TGFBRAP1: variants seen among roughly 807,000 people sequenced by gnomAD.
The protein encoded by TGFBRAP1 is transforming growth factor-beta receptor-associated protein 1.
In TGFBRAP1, 20 loss-of-function variants were observed where a neutral mutation model predicts 83.2. The ratio of observed to expected loss-of-function variants is 0.24; its 90% CI spans 0.17 to 0.35. The LOEUF (loss-of-function observed/expected upper bound fraction) is 0.35, where lower values mean the gene tolerates loss of function less well. Among genes scored for constraint, TGFBRAP1 ranks in the 10% least tolerant of loss-of-function variants. The probability of loss-of-function intolerance (pLI) is 1.00; values close to 1 mark genes in which losing one functional copy is unlikely to be tolerated. For missense variants in TGFBRAP1, 950 were observed against 1,099.4 expected (o/e 0.86, Z 1.92); for synonymous variants, 415 against 459.8 (o/e 0.90, Z 1.25).
chr2:105,306,054 GTTTTTTGTTTTTTGT>G (rs1472620138), intron 2 of TGFBRAP1, among the ~76,000 whole-genome samples: 1 of 111,070 alleles, frequency 9.0e-6, no homozygotes, highest in African/African-American at 3.7e-5. Context: ...CTGGTTTTTT[GTTTTTTGTTTTTTGT>G]TTTTTTTTTT....
Position 105,267,124 on chromosome 2 carries a change from A to C in TGFBRAP1, c.*259T>G. On this transcript the variant is annotated 3_prime_UTR_variant, in exon 12 of 12. Coordinates refer to ENST00000393359, the MANE Select transcript of TGFBRAP1 (RefSeq NM_004257.6). ...GTCTTGGATTACTATGTACCTGGACAGGTGAACTCTTGTATGTTTCTGTTT... is the reference window on the plus strand; with the variant it reads ...GTCTTGGATTACTATGTACCTGGACCGGTGAACTCTTGTATGTTTCTGTTT... 2.2e-6 allele frequency: 1 copy of C among 452,060 alleles called. No homozygotes were observed. The highest frequency in any genetic ancestry group is 3.9e-6 in the Non-Finnish European group (1 of 256,550). The allele number at this position is 452,060 out of a possible 1,614,324, so 28.0% of individuals were successfully genotyped here. A position where few individuals can be genotyped will look rare whatever the true frequency, so the allele number is the denominator to read the frequency against.
chr2:105,273,706 C>T lies in TGFBRAP1; in HGVS notation c.1666-16G>A. On this transcript the variant is annotated splice_polypyrimidine_tract_variant and intron_variant, in intron 8 of 11. Transcript: ENST00000393359. Reference sequence around the variant, plus strand: ...GAACTCCGACCTGAAAGAGGAGCGACAATACAGTGACTGTGCTTCCCAAAC... The same window carrying T: ...GAACTCCGACCTGAAAGAGGAGCGATAATACAGTGACTGTGCTTCCCAAAC... The T allele has an allele frequency of 1.9e-6, 3 of 1,613,152 alleles. No homozygotes were observed. Among genetic ancestry groups the T allele is most frequent in the Non-Finnish European group, 2.5e-6 (3 of 1,179,540 alleles).
At chr2:105,251,792 G>T in the TGFBRAP1 span, among the ~76,000 whole-genome samples, 58,902 of 146,998 alleles carry the variant, frequency 0.4, 12,634 homozygotes, top group South Asian at 0.53. Flanking sequence ...CATTTTGTTC[G>T]GTACTAAGAA....
chr2:105,280,281 A>G, intron 6 of TGFBRAP1, 101 bp downstream of exon 6: 2 of 1,283,934 alleles, frequency 1.6e-6, no homozygotes, highest in South Asian at 1.5e-5. Flanking sequence ...GAACATAAAC[A>G]TCACACTGGC....
intron 3 of TGFBRAP1, among the ~76,000 whole-genome samples, chr2:105,297,372 CTGTG>C (rs1441045001): frequency 6.6e-6 from 1 of 152,230 alleles, no homozygotes; most frequent in Non-Finnish European, 1.5e-5. Flanking sequence ...TCATCCTTCT[CTGTG>C]TGTCCACCAC....
chr2:105,326,222 G>A (rs1483750333), intron 1 of TGFBRAP1, among the ~76,000 whole-genome samples: 4 of 152,088 alleles, frequency 2.6e-5, no homozygotes, highest in Non-Finnish European at 4.4e-5. Flanking sequence ...TATATGGTGT[G>A]TGTATACATA....
At chr2:105,253,392 C>A in the TGFBRAP1 span, among the ~76,000 whole-genome samples, 1 of 152,148 alleles carries the variant, frequency 6.6e-6, no homozygotes, top group African/African-American at 2.4e-5. Context: ...CTCGGCCTCT[C>A]AAAGTGCTGG....
intron 4 of TGFBRAP1, among the ~76,000 whole-genome samples, chr2:105,295,525 TCTC>T (rs1678051528): frequency 6.6e-6 from 1 of 152,108 alleles, no homozygotes; most frequent in African/African-American, 2.4e-5. Flanking sequence ...TTAAAAATGT[TCTC>T]CTGGCCGGGC....
At position 105,269,183 on chromosome 2, in the gene TGFBRAP1, A is replaced by T; in HGVS notation, c.2406+89T>A. 1.4e-6 allele frequency: 2 copies of T among 1,423,382 alleles called. No homozygotes were observed. Among genetic ancestry groups the T allele is most frequent in the Non-Finnish European group, 1.9e-6 (2 of 1,077,572 alleles). 88.2% of individuals were successfully genotyped at this position (1,423,382 alleles called of 1,614,324 possible). A position where few individuals can be genotyped will look rare whatever the true frequency, so the allele number is the denominator to read the frequency against. On this transcript the variant is annotated intron_variant, in intron 11 of 11. Transcript: ENST00000393359. The surrounding 1 kb of genome is among the most constrained non-coding windows in gnomAD (Gnocchi z 4.1). ...AGTCATAGAGACAGAAAAAAGAAAA[A>T]CCAACAAAGACTATTTTTCCATCAG... is the stretch of plus-strand genomic sequence containing the variant.
intron 2 of TGFBRAP1, among the ~76,000 whole-genome samples, chr2:105,301,607 C>T (rs1408520770): frequency 6.6e-6 from 1 of 152,100 alleles, no homozygotes; most frequent in Non-Finnish European, 1.5e-5. Context: ...AAAAACCACA[C>T]AGGTACTAGA....
intron 1 of TGFBRAP1, chr2:105,327,185 A>G (rs540107105): frequency 1.3e-5 from 2 of 152,162 alleles, no homozygotes; most frequent in Non-Finnish European, 2.9e-5. Flanking sequence ...CAAATTTGTA[A>G]TATTAGCATG....
the TGFBRAP1 span, among the ~76,000 whole-genome samples, chr2:105,253,867 G>A: frequency 1.3e-5 from 2 of 152,148 alleles, no homozygotes; most frequent in South Asian, 2.1e-4. Flanking sequence ...TTATTATTAT[G>A]TATAAAAATA....
chr2:105,256,798 G>C, the TGFBRAP1 span, among the ~76,000 whole-genome samples: 1 of 152,194 alleles, frequency 6.6e-6, no homozygotes, highest in African/African-American at 2.4e-5. Context: ...CTAATCACAG[G>C]ATGAGATAGA....
the TGFBRAP1 span, among the ~76,000 whole-genome samples, chr2:105,252,862 C>T: frequency 2.0e-5 from 3 of 149,492 alleles, no homozygotes; most frequent in East Asian, 6.0e-4. Context: ...ACGCCATTCT[C>T]CTGCCTCAGC....
the TGFBRAP1 span, among the ~76,000 whole-genome samples, chr2:105,250,475 T>C: frequency 2.0e-5 from 3 of 152,198 alleles, no homozygotes; most frequent in Non-Finnish European, 4.4e-5. Flanking sequence ...TGCTGTTCTT[T>C]ATTCATGGTC....
chr2:105,255,187 A>G, the TGFBRAP1 span, among the ~76,000 whole-genome samples: 1 of 152,222 alleles, frequency 6.6e-6, no homozygotes, highest in Non-Finnish European at 1.5e-5. Flanking sequence ...TATAGTAACC[A>G]TATTTTCTAT....
At chr2:105,249,473 C>T in the TGFBRAP1 span, 2 of 152,168 alleles carry the variant, frequency 1.3e-5, no homozygotes, top group African/African-American at 4.8e-5. Flanking sequence ...ATGGTTGCCT[C>T]TTTCTTTATC....
At chr2:105,294,466 T>C (rs1389393055) in intron 4 of TGFBRAP1, among the ~76,000 whole-genome samples, 1 of 152,104 alleles carries the variant, frequency 6.6e-6, no homozygotes, top group East Asian at 1.9e-4. Flanking sequence ...AAAAAGATCA[T>C]TTCCATATAG....
At chr2:105,323,150 G>C (rs535491821) in intron 1 of TGFBRAP1, among the ~76,000 whole-genome samples, 7 of 152,286 alleles carry the variant, frequency 4.6e-5, no homozygotes, top group African/African-American at 1.4e-4. Context: ...AAGAGAGAAA[G>C]ACTCAGAAGC....
Sources: allele counts gnomAD v4.1 joint callset (sites outside exome capture counted in the v4.1 genomes callset), GRCh38; gene constraint gnomAD v4.1.1; non-coding constraint Gnocchi (gnomAD v3.1); transcripts MANE v1.5; gene names NCBI Gene and HGNC (gene_info 2026-07-23, HGNC 2026-07-21).